CNKSR2: variants seen among roughly 807,000 people sequenced by gnomAD.
The protein encoded by CNKSR2 is connector enhancer of kinase suppressor of Ras 2.
Under a neutral mutation model 84.4 loss-of-function variants are expected in CNKSR2, and 14 were observed. The ratio of observed to expected loss-of-function variants is 0.17; its 90% CI spans 0.11 to 0.26. CNKSR2 has a LOEUF of 0.26. Among genes scored for constraint, CNKSR2 ranks in the 10% least tolerant of loss-of-function variants. The pLI is 1.00. For synonymous variants in CNKSR2, 275 were observed against 277.9 expected (o/e 0.99, Z 0.10); for missense variants, 485 against 771.2 (o/e 0.63, Z 4.40).
At chrX:21,510,500 G>A (rs1299491668) in intron 8 of CNKSR2, among the ~76,000 whole-genome samples, 1 of 111,130 alleles carries the variant, frequency 9.0e-6, no homozygotes, top group African/African-American at 3.3e-5. Flanking sequence ...AGCAGACCAG[G>A]GCAAGTTCTA....
chrX:21,500,229 T>C (rs1229248748), intron 7 of CNKSR2, among the ~76,000 whole-genome samples: 2 of 111,376 alleles, frequency 1.8e-5, no homozygotes, highest in Admixed American at 1.9e-4. Flanking sequence ...GTATGTTGTC[T>C]TATCTTGAAT....
intron 13 of CNKSR2, among the ~76,000 whole-genome samples, chrX:21,588,477 T>C (rs999363576): frequency 3.6e-5 from 4 of 112,470 alleles, no homozygotes. Flanking sequence ...AAAATCTCTC[T>C]TAAGAGAACT....
intron 20 of CNKSR2, among the ~76,000 whole-genome samples, chrX:21,636,664 A>G (rs2092673649): frequency 9.0e-6 from 1 of 111,135 alleles, no homozygotes; most frequent in Non-Finnish European, 1.9e-5. Flanking sequence ...GGAGTCAAAT[A>G]TCAAGTCAAA....
At chrX:21,532,194 T>C in intron 11 of CNKSR2, 127 bp downstream of exon 11, 1 of 410,421 alleles carries the variant, frequency 2.4e-6, no homozygotes, top group South Asian at 6.0e-5. Context: ...TTGATCTGTC[T>C]CTCTCATGTG....
chrX:21,591,236 T>G, intron 15 of CNKSR2, 42 bp downstream of exon 15: 1 of 1,041,865 alleles, frequency 9.6e-7, no homozygotes, highest in Non-Finnish European at 1.3e-6. Flanking sequence ...ATTCTCTATC[T>G]TTAATCAAAA....
intron 20 of CNKSR2, among the ~76,000 whole-genome samples, chrX:21,615,807 G>T (rs962223600): frequency 9.0e-6 from 1 of 111,497 alleles, no homozygotes; most frequent in African/African-American, 3.3e-5. Flanking sequence ...TCTTTGTTCA[G>T]TTCTAGCCAT....
At chrX:21,591,691 C>T (rs1294826158) in intron 15 of CNKSR2, 1 of 109,423 alleles carries the variant, frequency 9.1e-6, no homozygotes, top group Non-Finnish European at 1.9e-5. Flanking sequence ...TGCAAGTATT[C>T]ATTTCACTTG....
At chrX:21,644,125 A>T (rs1421257769) in intron 20 of CNKSR2, 1 of 111,811 alleles carries the variant, frequency 8.9e-6, no homozygotes, top group Non-Finnish European at 1.9e-5. Flanking sequence ...ACTTGATATC[A>T]TTAGCCCGGA....
chrX:21,418,643 A>G lies in CNKSR2; in HGVS notation c.65-7854A>G, dbSNP rs770182257. 1.7e-4 allele frequency among the ~76,000 whole-genome samples: 19 copies of G among 111,256 alleles called. 1 individual carries two copies. The highest frequency in any genetic ancestry group is 2.5e-4 in the Non-Finnish European group (13 of 52,987). On this transcript the variant is annotated intron_variant, in intron 1 of 21. Coordinates refer to ENST00000379510, the MANE Select transcript of CNKSR2 (RefSeq NM_014927.5). Reference sequence around the variant, plus strand: ...CTGCTGGCCTATAAGTTTTCCACCGAAAACTCTGTCATCAGATCTATTGGA... The same window carrying G: ...CTGCTGGCCTATAAGTTTTCCACCGGAAACTCTGTCATCAGATCTATTGGA...
chrX:21,647,452 C>T (rs1366727857), intron 20 of CNKSR2, among the ~76,000 whole-genome samples: 2 of 111,531 alleles, frequency 1.8e-5, no homozygotes, highest in East Asian at 2.8e-4. Context: ...ATTTTAAGGG[C>T]GTCTCACATT....
At chrX:21,599,526 C>G (rs1005802704) in intron 17 of CNKSR2, among the ~76,000 whole-genome samples, 2 of 110,159 alleles carry the variant, frequency 1.8e-5, no homozygotes, top group Non-Finnish European at 3.8e-5. Context: ...CCACCACACC[C>G]GGCTAATTTT....
chrX:21,407,200 G>A (rs1601747269), intron 1 of CNKSR2, among the ~76,000 whole-genome samples: 1 of 111,926 alleles, frequency 8.9e-6, no homozygotes, highest in East Asian at 2.8e-4. Flanking sequence ...TGTAGTTAAT[G>A]TTGCACTCAG....
At chrX:21,421,272 C>T (rs1357919641) in intron 1 of CNKSR2, among the ~76,000 whole-genome samples, 2 of 106,926 alleles carry the variant, frequency 1.9e-5, no homozygotes, top group African/African-American at 3.5e-5. Flanking sequence ...GGTGTGGCAT[C>T]ACTGATTTAA....
chrX:21,480,502 C>G (rs922359264), intron 5 of CNKSR2, among the ~76,000 whole-genome samples: 1 of 112,085 alleles, frequency 8.9e-6, no homozygotes, highest in Non-Finnish European at 1.9e-5. Context: ...CATGTGTCCT[C>G]TAATGAGTGA....
intron 13 of CNKSR2, among the ~76,000 whole-genome samples, chrX:21,589,483 A>T (rs1381003504): frequency 7.1e-5 from 8 of 112,278 alleles, no homozygotes. Context: ...TTTCATTTTG[A>T]AGGAATATCT....
chrX:21,621,206 A>T, intron 20 of CNKSR2, among the ~76,000 whole-genome samples: 1 of 111,230 alleles, frequency 9.0e-6, no homozygotes, highest in East Asian at 2.8e-4. Context: ...TGCTAAGTGT[A>T]TTGGAACTAT....
intron 12 of CNKSR2, among the ~76,000 whole-genome samples, chrX:21,562,694 G>A (rs1454361838): frequency 9.0e-6 from 1 of 111,199 alleles, no homozygotes; most frequent in Non-Finnish European, 1.9e-5. Flanking sequence ...TTTGTTGATG[G>A]GGAGGGGAAC....
intron 1 of CNKSR2, among the ~76,000 whole-genome samples, chrX:21,377,330 T>G (rs2089833098): frequency 8.9e-6 from 1 of 112,422 alleles, no homozygotes. Context: ...ACTGTTACCT[T>G]AATTTTTCTC....
intron 1 of CNKSR2, among the ~76,000 whole-genome samples, chrX:21,391,473 T>G (rs2090050445): frequency 8.9e-6 from 1 of 112,260 alleles, no homozygotes; most frequent in African/African-American, 3.2e-5. Context: ...GCTTGTACCC[T>G]CTGGATCAGC....
Sources: allele counts gnomAD v4.1 joint callset (sites outside exome capture counted in the v4.1 genomes callset), GRCh38; gene constraint gnomAD v4.1.1; transcripts MANE v1.5; gene names NCBI Gene and HGNC (gene_info 2026-07-23, HGNC 2026-07-21).